Variants in KDM5A observed in about 807,000 individuals in gnomAD.
KDM5A encodes lysine demethylase 5A.
Under a neutral mutation model 193.5 loss-of-function variants are expected in KDM5A, and 42 were observed. The observed-to-expected ratio is 0.22, with a 90% CI of 0.17 to 0.28. The LOEUF (loss-of-function observed/expected upper bound fraction) is 0.28, where lower values mean the gene tolerates loss of function less well. Among genes scored for constraint, KDM5A ranks in the 10% least tolerant of loss-of-function variants. The pLI is 1.00. For synonymous variants in KDM5A, 796 were observed against 718.1 expected, an observed-to-expected ratio of 1.11 and a Z score of -1.73; for missense variants, 1,692 against 2,055.1, an observed-to-expected ratio of 0.82 and a Z score of 3.42.
intron 5 of KDM5A, among the ~76,000 whole-genome samples, chr12:358,347 C>A (rs1434261666): frequency 2.0e-5 from 3 of 152,154 alleles, no homozygotes; most frequent in African/African-American, 7.2e-5. Flanking sequence ...CATATAAGTA[C>A]AAAACCTAAA....
At position 282,099 on chromosome 12, in the gene KDM5A, C is replaced by T; in HGVS notation, c.*3357G>A. The T allele has an allele frequency of 3.2e-6, 1 of 312,432 alleles. No individual in the cohort carries two copies. The highest frequency in any genetic ancestry group is 6.2e-6 in the Non-Finnish European group (1 of 162,126). The allele number at this position is 312,432 out of a possible 1,614,324, so 19.4% of individuals were successfully genotyped here. A position where few individuals can be genotyped will look rare whatever the true frequency, so the allele number is the denominator to read the frequency against. Reference sequence around the variant, plus strand: ...AACCATGCTAACCTTACAGCTCAGCCTGCACAGAAGCACAGAAGCAAAGCC... The same window carrying T: ...AACCATGCTAACCTTACAGCTCAGCTTGCACAGAAGCACAGAAGCAAAGCC... On this transcript the variant is annotated 3_prime_UTR_variant, in exon 28 of 28. Transcript: ENST00000399788.
chr12:382,276 AC>A (rs1944583727), intron 3 of KDM5A, among the ~76,000 whole-genome samples: 1 of 152,084 alleles, frequency 6.6e-6, no homozygotes, highest in African/African-American at 2.4e-5. Context: ...TACTAACAAT[AC>A]AAAATTAGCC....
intron 19 of KDM5A, among the ~76,000 whole-genome samples, chr12:313,838 A>G (rs1943618620): frequency 6.6e-6 from 1 of 152,224 alleles, no homozygotes. Flanking sequence ...AAGGCTTTGA[A>G]GTAGGCCTTA....
intron 3 of KDM5A, among the ~76,000 whole-genome samples, chr12:368,567 C>A (rs1412964970): frequency 1.3e-5 from 2 of 152,044 alleles, no homozygotes; most frequent in African/African-American, 4.8e-5. Flanking sequence ...TCCGTCTCAA[C>A]TAAAAATACC....
intron 10 of KDM5A, among the ~76,000 whole-genome samples, chr12:338,784 G>A (rs374149297): frequency 1.3e-4 from 20 of 151,988 alleles, no homozygotes; most frequent in Admixed American, 4.6e-4. Context: ...ATGACAATAC[G>A]GAACAAGGAG....
At position 285,428 on chromosome 12, in the gene KDM5A, C is replaced by G; in HGVS notation, c.*28G>C. 6.3e-7 allele frequency: 1 copy of G among 1,593,248 alleles called. No homozygotes were observed. The highest frequency in any genetic ancestry group is 8.6e-7 in the Non-Finnish European group (1 of 1,161,244). The stretch of plus-strand genomic sequence containing the variant: ...AAGGTCTCAATGTGGTCCATGTCCC[C>G]CCATGTCCCAAACTAACCAAGCATC... On this transcript the variant is annotated 3_prime_UTR_variant, in exon 28 of 28. Coordinates refer to ENST00000399788, the MANE Select transcript of KDM5A (RefSeq NM_001042603.3).
intron 25 of KDM5A, 84 bp from the exon 26 acceptor site, chr12:295,877 G>GC (rs1354316155): frequency 8.9e-6 from 10 of 1,118,624 alleles, no homozygotes; most frequent in South Asian, 3.8e-5. Context: ...ATTGAGACTA[G>GC]CCCCCCATCC....
At chr12:311,191 ATCTC>A in intron 20 of KDM5A, 127 bp from the exon 21 acceptor site, 1 of 816,676 alleles carries the variant, frequency 1.2e-6, no homozygotes, top group Non-Finnish European at 2.0e-6. Context: ...ATGTAATTCC[ATCTC>A]TTGAATTAAT....
At chr12:352,689 T>C (rs527937044) in intron 8 of KDM5A, among the ~76,000 whole-genome samples, 1 of 152,266 alleles carries the variant, frequency 6.6e-6, no homozygotes, top group Non-Finnish European at 1.5e-5. Flanking sequence ...CAAATGTTCA[T>C]GGAGGAAGGA....
Position 369,337 on chromosome 12 carries a change from C to T in KDM5A, c.367-3233G>A, listed in dbSNP as rs191066249. Among the ~76,000 whole-genome samples the T allele has an allele frequency of 1.7e-4, 26 of 152,318 alleles. No homozygotes were observed. The East Asian group carries it at 4.2e-3, about 25-fold the overall frequency. On this transcript the variant is annotated intron_variant, in intron 3 of 27. Transcript: ENST00000399788. ...ACTTTCAGTGCTTCTATACTGCCAGCTACTATTCTAGGTACCTGGGATACA... is the reference window on the plus strand; with the variant it reads ...ACTTTCAGTGCTTCTATACTGCCAGTTACTATTCTAGGTACCTGGGATACA...
intron 18 of KDM5A, among the ~76,000 whole-genome samples, 161 bp from the exon 19 acceptor site, chr12:318,622 C>T (rs1186369078): frequency 2.6e-5 from 4 of 152,084 alleles, no homozygotes; most frequent in East Asian, 1.9e-4. Context: ...AATAAATATG[C>T]TTTTGTGTAA....
intron 3 of KDM5A, among the ~76,000 whole-genome samples, chr12:380,729 A>C (rs1280033470): frequency 6.6e-6 from 1 of 152,200 alleles, no homozygotes; most frequent in Non-Finnish European, 1.5e-5. Context: ...TCTAAAAAAA[A>C]AAAGTAGAAA....
chr12:281,449 A>G lies in KDM5A; in HGVS notation c.*4007T>C, dbSNP rs919773290. On this transcript the variant is annotated 3_prime_UTR_variant, in exon 28 of 28. Coordinates refer to ENST00000399788, the MANE Select transcript of KDM5A (RefSeq NM_001042603.3). ...CAGGCCAAGACAAGACCAAAATTCA[A>G]AAAATACATTAACAGCCATTCTTCC... 3 of 233,112 alleles carry G rather than the reference A, an allele frequency of 1.3e-5. No homozygotes were observed. Among genetic ancestry groups the G allele is most frequent in the Non-Finnish European group, 2.5e-5 (3 of 118,040 alleles). The allele number at this position is 233,112 out of a possible 1,614,324, so 14.4% of individuals were successfully genotyped here. A position where few individuals can be genotyped will look rare whatever the true frequency, so the allele number is the denominator to read the frequency against.
At chr12:387,275 C>T (rs1035862768) in intron 1 of KDM5A, 3 of 360,536 alleles carry the variant, frequency 8.3e-6, no homozygotes, top group African/African-American at 6.9e-5. Flanking sequence ...TCTGCCAAAA[C>T]TAAAATTAAA....
intron 10 of KDM5A, among the ~76,000 whole-genome samples, chr12:348,498 C>T (rs1229723289): frequency 6.6e-6 from 1 of 152,318 alleles, no homozygotes; most frequent in Non-Finnish European, 1.5e-5. Context: ...ATAGCAAAGA[C>T]TTGGAACCAA....
intron 20 of KDM5A, among the ~76,000 whole-genome samples, chr12:312,278 ACT>A (rs990761454): frequency 6.6e-6 from 1 of 152,022 alleles, no homozygotes; most frequent in Admixed American, 6.5e-5. Flanking sequence ...TATTTGGAAG[ACT>A]CTACTTTTAT....
chr12:377,972 T>C (rs561328421), intron 3 of KDM5A, among the ~76,000 whole-genome samples: 2 of 152,342 alleles, frequency 1.3e-5, no homozygotes, highest in African/African-American at 2.4e-5. Flanking sequence ...TTTGAAAATA[T>C]ATTTTTCACA....
In KDM5A at chr12:345,746, C is replaced by A. The variant is rs188902259; in HGVS notation, c.1308+4875G>T. ...GAACAAAAACACAACATACCAGAATCTCTGGGACACATTTAAAGCAGTGTG... is the reference window on the plus strand; with the variant it reads ...GAACAAAAACACAACATACCAGAATATCTGGGACACATTTAAAGCAGTGTG... On this transcript the variant is annotated intron_variant, in intron 10 of 27. Transcript: ENST00000399788. 1.2e-4 allele frequency among the ~76,000 whole-genome samples: 19 copies of A among 152,306 alleles called. No homozygotes were observed. The East Asian group carries it at 3.7e-3, about 29-fold the overall frequency.
At position 284,845 on chromosome 12, in the gene KDM5A, TCTC is replaced by T. The variant is rs1342696964; in HGVS notation, c.*608_*610del. 2 of 234,160 alleles carry T rather than the reference TCTC, an allele frequency of 8.5e-6. No homozygotes were observed. The highest frequency in any genetic ancestry group is 5.5e-5 in the Admixed American group (1 of 18,044). The allele number at this position is 234,160 out of a possible 1,614,324, so 14.5% of individuals were successfully genotyped here. A position where few individuals can be genotyped will look rare whatever the true frequency, so the allele number is the denominator to read the frequency against. On this transcript the variant is annotated 3_prime_UTR_variant, in exon 28 of 28. Transcript: ENST00000399788. ...TGACCTGCCCCAGCTTGTGAGAGGT[TCTC>T]CTATTTGGGATGTTCTTCTAGCACA...
Sources: gnomAD v4.1 joint callset for allele counts (sites outside exome capture counted in the v4.1 genomes callset) on GRCh38, gnomAD v4.1.1 for gene constraint, MANE v1.5 for transcripts, NCBI Gene and HGNC (gene_info 2026-07-23, HGNC 2026-07-21) for gene names.